VIPAS39: variants seen among roughly 807,000 people sequenced by gnomAD.
VIPAS39 encodes spermatogenesis-defective protein 39 homolog.
In VIPAS39, 63 loss-of-function variants were observed where a neutral mutation model predicts 84.7. The observed-to-expected ratio is 0.74, with a 90% CI of 0.61 to 0.92. The LOEUF (loss-of-function observed/expected upper bound fraction) is 0.92. VIPAS39 is among the 40% of genes least tolerant of loss of function. The probability of loss-of-function intolerance (pLI) is 0.00; values close to 1 mark genes in which losing one functional copy is unlikely to be tolerated. For missense variants in VIPAS39, 499 were observed against 604.5 expected (o/e 0.83, Z 1.83); for synonymous variants, 192 against 216.5 (o/e 0.89, Z 0.99).
At chr14:77,444,146 T>A (rs1233224131) in intron 8 of VIPAS39, 103 bp downstream of exon 8, 1 of 1,183,186 alleles carries the variant, frequency 8.5e-7, no homozygotes. Context: ...GAATCCAGGA[T>A]CTTTACTTAA....
chr14:77,444,092 A>C (rs532074306), intron 8 of VIPAS39, among the ~76,000 whole-genome samples, 157 bp downstream of exon 8: 4 of 151,954 alleles, frequency 2.6e-5, no homozygotes, highest in Non-Finnish European at 5.9e-5. Flanking sequence ...GCACCAGCTA[A>C]GCCCTTAAAG....
At chr14:77,435,124 G>T in intron 14 of VIPAS39, 135 bp downstream of exon 14, 1 of 1,406,868 alleles carries the variant, frequency 7.1e-7, no homozygotes. Context: ...CCTGGTGAGG[G>T]CCAGGAAAGC....
At chr14:77,438,615 C>A (rs2078653179) in intron 11 of VIPAS39, among the ~76,000 whole-genome samples, 1 of 152,212 alleles carries the variant, frequency 6.6e-6, no homozygotes, top group Non-Finnish European at 1.5e-5. Context: ...GAGTACCAAG[C>A]TTTACCTTTA....
In VIPAS39 at chr14:77,444,982, G is replaced by A. The variant is rs537162550; in HGVS notation, c.505-641C>T. On this transcript the variant is annotated intron_variant, in intron 7 of 19. Transcript: ENST00000557658. ...TCAGTGATTTTTTTTTTTTTGAGAC[G>A]GAGTCTCGCTCTGTCGCCCAGGTTG... is the stretch of plus-strand genomic sequence containing the variant. Among the ~76,000 whole-genome samples, 10 of 147,324 alleles carry A rather than the reference G, an allele frequency of 6.8e-5. No individual in the cohort carries two copies. The East Asian group carries it at 1.0e-3, about 15-fold the overall frequency.
chr14:77,428,313 A>C lies in VIPAS39; in HGVS notation c.1461+57T>G. 1.9e-5 allele frequency: 28 copies of C among 1,500,264 alleles called. No homozygotes were observed. The South Asian group carries it at 3.0e-4, about 16-fold the overall frequency. 92.9% of individuals were successfully genotyped at this position (1,500,264 alleles called of 1,614,324 possible). On this transcript the variant is annotated intron_variant, in intron 19 of 19. Coordinates refer to ENST00000557658, the MANE Select transcript of VIPAS39 (RefSeq NM_001193315.2). ...ACCTTGGGAACATACATTTGGTACT[A>C]TTTTGTGAACTGTCTGTCTCCTGAG...
chr14:77,441,811 A>C (rs1277019356), intron 10 of VIPAS39, among the ~76,000 whole-genome samples: 2 of 152,212 alleles, frequency 1.3e-5, no homozygotes, highest in Non-Finnish European at 2.9e-5. Flanking sequence ...GTCTAAACAG[A>C]GGTTCTAACC....
intron 6 of VIPAS39, 146 bp from the exon 7 acceptor site, chr14:77,448,696 G>A (rs1201367452): frequency 3.3e-6 from 3 of 899,528 alleles, no homozygotes; most frequent in Non-Finnish European, 5.3e-6. Flanking sequence ...GAAGAAATGG[G>A]ACGGTTTTGT....
At chr14:77,456,548 G>C (rs1358304520) in intron 1 of VIPAS39, among the ~76,000 whole-genome samples, 1 of 152,208 alleles carries the variant, frequency 6.6e-6, no homozygotes, top group East Asian at 1.9e-4. Context: ...AAAGAGTTCA[G>C]TATCAAAGCC....
intron 11 of VIPAS39, chr14:77,440,586 G>A (rs1180979557): frequency 1.3e-5 from 2 of 158,338 alleles, no homozygotes; most frequent in African/African-American, 4.8e-5. Context: ...CCAACCAAAA[G>A]AGCATATAAA....
intron 14 of VIPAS39, 188 bp downstream of exon 14, chr14:77,435,071 T>G (rs568837696): frequency 1.2e-6 from 1 of 807,868 alleles, no homozygotes; most frequent in East Asian, 2.7e-5. Context: ...CTACAAACCT[T>G]ACAAACCTCT....
chr14:77,431,962 C>T (rs1266820247), intron 16 of VIPAS39, among the ~76,000 whole-genome samples: 1 of 152,004 alleles, frequency 6.6e-6, no homozygotes, highest in Non-Finnish European at 1.5e-5. Context: ...CATTGACAAA[C>T]AAATGGATAC....
Position 77,435,412 on chromosome 14 carries a change from A to G in VIPAS39, c.913-19T>C. 2 of 1,363,042 alleles carry G rather than the reference A, an allele frequency of 1.5e-6. No individual in the cohort carries two copies. Among genetic ancestry groups the G allele is most frequent in the Non-Finnish European group, 2.0e-6 (2 of 1,012,794 alleles). The allele number at this position is 1,363,042 out of a possible 1,614,324, so 84.4% of individuals were successfully genotyped here. A position where few individuals can be genotyped will look rare whatever the true frequency, so the allele number is the denominator to read the frequency against. Reference sequence around the variant, plus strand: ...CATTTGCCTGTGGTGGAGTGAGCCAAGTGAAAAAAAAAAAAAACAATGTCC... The same window carrying G: ...CATTTGCCTGTGGTGGAGTGAGCCAGGTGAAAAAAAAAAAAAACAATGTCC... On this transcript the variant is annotated intron_variant, in intron 13 of 19. Coordinates refer to ENST00000557658, the MANE Select transcript of VIPAS39 (RefSeq NM_001193315.2).
chr14:77,427,735 G>GT (rs2078452615), intron 19 of VIPAS39, 99 bp from the exon 20 acceptor site: 1 of 1,493,378 alleles, frequency 6.7e-7, no homozygotes, highest in African/African-American at 1.4e-5. Flanking sequence ...GCTAGATAAT[G>GT]TAAGGAAAAG....
chr14:77,437,850 T>C lies in VIPAS39; in HGVS notation c.794A>G (p.Gln265Arg). ...AAATTCTTTTCGTTTGTCAGGGTCC[T>C]GAATGTTCAAATGCTCTCGATAATG... The part of the protein sequence containing the change: ...LSHYREHLNI[Q>R]DPDKRKEFLK... Residue 265 changes from glutamine (Q) to arginine (R), a missense_variant, in exon 12 of 20, where the codon CAG (glutamine) becomes CGG (arginine). Physicochemically the swap from Gln to Arg is conservative, Grantham distance 43. Transcript: ENST00000557658. The C allele has an allele frequency of 6.2e-7, 1 of 1,614,184 alleles. No homozygotes were observed. The highest frequency in any genetic ancestry group is 8.5e-7 in the Non-Finnish European group (1 of 1,180,014).
chr14:77,433,993 A>C, intron 15 of VIPAS39, 62 bp from the exon 16 acceptor site: 1 of 1,532,894 alleles, frequency 6.5e-7, no homozygotes, highest in Non-Finnish European at 9.0e-7. Flanking sequence ...GGGGTGCTTA[A>C]GAATTTTAGA....
chr14:77,451,231 A>G lies in VIPAS39; in HGVS notation c.299T>C (p.Leu100Pro), dbSNP rs1300961143. The change falls in exon 4 of 20, where the codon CTA (leucine) becomes CCA (proline). Residue 100 changes from leucine to proline, a missense_variant. Transcript: ENST00000557658. ...GGAGTAGGTAGAAGTAGGCTTGGGT[A>G]GTTGTGCATAGGAGGAGAAGCTGTT... is the stretch of plus-strand genomic sequence containing the variant. ...SRNSFSSYAQ[L>P]PKPTSTYSLS... 4.3e-6 allele frequency: 7 copies of G among 1,614,240 alleles called. No individual in the cohort carries two copies. Among genetic ancestry groups the G allele is most frequent in the Non-Finnish European group, 5.9e-6 (7 of 1,180,036 alleles).
intron 7 of VIPAS39, among the ~76,000 whole-genome samples, chr14:77,445,417 T>TTTG (rs1343305698): frequency 6.6e-6 from 1 of 151,964 alleles, no homozygotes; most frequent in African/African-American, 2.4e-5. Flanking sequence ...AGCTAAGAGT[T>TTTG]TTGTTGTTGT....
At position 77,427,498 on chromosome 14, in the gene VIPAS39, G is replaced by A; in HGVS notation, c.*118C>T. The A allele has an allele frequency of 7.9e-7, 1 of 1,270,618 alleles. No homozygotes were observed. Among genetic ancestry groups the A allele is most frequent in the East Asian group, 2.3e-5 (1 of 42,668 alleles). The allele number at this position is 1,270,618 out of a possible 1,614,324, so 78.7% of individuals were successfully genotyped here. A position where few individuals can be genotyped will look rare whatever the true frequency, so the allele number is the denominator to read the frequency against. On this transcript the variant is annotated 3_prime_UTR_variant, in exon 20 of 20. Transcript: ENST00000557658. Reference sequence around the variant, plus strand: ...ATCTGTGTCAAGAGTAGCTGGCACTGCCCATGGGTAATGGGCCCAAGCGAT... The same window carrying A: ...ATCTGTGTCAAGAGTAGCTGGCACTACCCATGGGTAATGGGCCCAAGCGAT...
chr14:77,454,140 GTC>G (rs1566741081), intron 1 of VIPAS39, 38 bp from the exon 2 acceptor site: 4 of 1,591,418 alleles, frequency 2.5e-6, no homozygotes, highest in Admixed American at 1.7e-5. Flanking sequence ...CCCTTTCTGG[GTC>G]TCTCCCTAAA....
Sources: gnomAD v4.1 joint callset for allele counts (sites outside exome capture counted in the v4.1 genomes callset) on GRCh38, gnomAD v4.1.1 for gene constraint, MANE v1.5 for transcripts, NCBI Gene and HGNC (gene_info 2026-07-23, HGNC 2026-07-21) for gene names.